APP: variants seen among roughly 807,000 people sequenced by gnomAD.
APP encodes the protein amyloid beta precursor protein.
Under a neutral mutation model 101.4 loss-of-function variants are expected in APP, and 31 were observed. The ratio of observed to expected loss-of-function variants is 0.31; its 90% CI spans 0.23 to 0.41. The LOEUF (loss-of-function observed/expected upper bound fraction) is 0.41, where lower values mean the gene tolerates loss of function less well. Among genes scored for constraint, APP ranks in the 10% least tolerant of loss-of-function variants. The probability of loss-of-function intolerance (pLI) is 1.00; values close to 1 mark genes in which losing one functional copy is unlikely to be tolerated. For missense variants in APP, 839 were observed against 1,003.7 expected (o/e 0.84, Z 2.22); for synonymous variants, 366 against 364.4 (o/e 1.00, Z -0.05).
intron 15 of APP, among the ~76,000 whole-genome samples, chr21:25,898,168 G>A (rs2038203797): frequency 6.6e-6 from 1 of 152,190 alleles, no homozygotes; most frequent in African/African-American, 2.4e-5. Flanking sequence ...TTATGTTCAT[G>A]TATCTATGCA....
intron 1 of APP, among the ~76,000 whole-genome samples, chr21:26,128,722 GA>G (rs554408042): frequency 2.6e-4 from 38 of 145,908 alleles, no homozygotes; most frequent in Non-Finnish European, 4.1e-4. Context: ...GGAGGCTTTT[GA>G]AAAAAAAAAC....
intron 8 of APP, among the ~76,000 whole-genome samples, chr21:25,995,591 AT>A (rs11315240): frequency 1 from 151,874 of 152,300 alleles, 75,725 homozygotes; most frequent in Middle Eastern, 1. Context: ...CTGAAGAAAA[AT>A]TAAATGATCT....
chr21:25,940,944 A>T (rs2040550946), intron 13 of APP, among the ~76,000 whole-genome samples: 1 of 152,196 alleles, frequency 6.6e-6, no homozygotes, highest in Admixed American at 6.5e-5. Flanking sequence ...ATGCCAGGCG[A>T]TGCTGATGTT....
intron 6 of APP, among the ~76,000 whole-genome samples, chr21:26,003,161 T>C (rs965016206): frequency 3.3e-5 from 5 of 152,266 alleles, no homozygotes; most frequent in Non-Finnish European, 7.3e-5. Flanking sequence ...CCATTTGTTA[T>C]AGCTAATTCG....
intron 10 of APP, 146 bp downstream of exon 10, chr21:25,975,808 A>C: frequency 1.4e-6 from 1 of 708,592 alleles, no homozygotes; most frequent in Non-Finnish European, 2.6e-6. Context: ...CAACTCAATT[A>C]CTAGACAATG....
At chr21:25,981,253 G>A (rs551248441) in intron 9 of APP, among the ~76,000 whole-genome samples, 21 of 152,170 alleles carry the variant, frequency 1.4e-4, no homozygotes, top group Admixed American at 4.6e-4. Context: ...TAGAAAATAC[G>A]CAGCAGTCTA....
intron 8 of APP, among the ~76,000 whole-genome samples, chr21:25,985,156 A>G (rs1251976265): frequency 6.6e-6 from 1 of 152,244 alleles, no homozygotes; most frequent in South Asian, 2.1e-4. Context: ...GACTGAGGAT[A>G]TTAAAAAGGA....
rs1434374381 is a variant in APP, at chr21:25,990,391, TA to T, written c.1090+6968del. On this transcript the variant is annotated intron_variant, in intron 8 of 17. Coordinates refer to ENST00000346798, the MANE Select transcript of APP (RefSeq NM_000484.4). ...CTATTCTCTATTCAGCACATCACAC[TA>T]AAACTTAAAAGCAACCTCAAGTTTG... 2.0e-5 allele frequency among the ~76,000 whole-genome samples: 3 copies of T among 152,308 alleles called. No individual in the cohort carries two copies. The South Asian group carries it at 6.2e-4, about 32-fold the overall frequency.
chr21:25,984,238 AAAAAG>A (rs2042553142), intron 8 of APP, among the ~76,000 whole-genome samples: 1 of 152,224 alleles, frequency 6.6e-6, no homozygotes, highest in Non-Finnish European at 1.5e-5. Flanking sequence ...AATAAAGAAA[AAAAAG>A]AAAAGGACAA....
In APP at chr21:26,170,218, C is replaced by G. The variant is rs117107800; in HGVS notation, c.57+346G>C. On this transcript the variant is annotated intron_variant, in intron 1 of 17. Coordinates refer to ENST00000346798, the MANE Select transcript of APP (RefSeq NM_000484.4). ...CCCACGTGCTCCTTCCCCCTTCCCC[C>G]CTGTCTGAATGTCTCTCGCCTCCCC... 4.5e-3 allele frequency among the ~76,000 whole-genome samples: 680 copies of G among 152,294 alleles called. 3 individuals are homozygous for G. Among genetic ancestry groups the G allele is most frequent in the Non-Finnish European group, 7.3e-3 (497 of 68,026 alleles).
At position 26,074,981 on chromosome 21, in the gene APP, G is replaced by A. The variant is rs182908962; in HGVS notation, c.355+14962C>T. On this transcript the variant is annotated intron_variant, in intron 3 of 17. Coordinates refer to ENST00000346798, the MANE Select transcript of APP (RefSeq NM_000484.4). ...TCTGAGATCCCTATGTTACTTCTTGGTTGTTACATAAAACCTGCTCTTCCT... is the reference window on the plus strand; with the variant it reads ...TCTGAGATCCCTATGTTACTTCTTGATTGTTACATAAAACCTGCTCTTCCT... 1.6e-3 allele frequency among the ~76,000 whole-genome samples: 240 copies of A among 152,168 alleles called. 1 individual carries two copies. Among genetic ancestry groups the A allele is most frequent in the Non-Finnish European group, 7.1e-4 (48 of 68,010 alleles).
At chr21:26,028,049 A>G (rs1052755152) in intron 5 of APP, among the ~76,000 whole-genome samples, 2 of 151,948 alleles carry the variant, frequency 1.3e-5, no homozygotes, top group African/African-American at 4.8e-5. Context: ...ACAAAAAATT[A>G]GCTGGACGTG....
chr21:26,087,513 C>T (rs1407096462), intron 3 of APP, among the ~76,000 whole-genome samples: 1 of 152,142 alleles, frequency 6.6e-6, no homozygotes, highest in Non-Finnish European at 1.5e-5. Context: ...TTATGTACCT[C>T]CACATCAAAG....
At chr21:26,019,657 CA>C (rs11295667) in intron 6 of APP, among the ~76,000 whole-genome samples, 152,328 of 152,328 alleles carry the variant, frequency 1, 76,164 homozygotes, top group Non-Finnish European at 1. Flanking sequence ...TCTAATGTTT[CA>C]AGTAAAATGG....
intron 2 of APP, among the ~76,000 whole-genome samples, chr21:26,103,717 C>T (rs559160257): frequency 3.7e-4 from 57 of 152,336 alleles, no homozygotes; most frequent in Non-Finnish European, 7.5e-4. Flanking sequence ...TACAGAACTC[C>T]TGCCCATTAC....
chr21:26,015,811 G>A (rs897200211), intron 6 of APP, among the ~76,000 whole-genome samples: 4 of 152,180 alleles, frequency 2.6e-5, no homozygotes, highest in Non-Finnish European at 5.9e-5. Flanking sequence ...TTACTGAAAA[G>A]GCCAGATAGT....
intron 13 of APP, among the ~76,000 whole-genome samples, chr21:25,935,997 T>C (rs1280207978): frequency 1.3e-5 from 2 of 151,922 alleles, no homozygotes; most frequent in Non-Finnish European, 2.9e-5. Flanking sequence ...ACAGGAGAAA[T>C]AATACCTTCC....
intron 8 of APP, among the ~76,000 whole-genome samples, chr21:25,983,462 T>C (rs573387863): frequency 6.6e-6 from 1 of 152,318 alleles, no homozygotes; most frequent in East Asian, 1.9e-4. Context: ...TGGGATATAA[T>C]ATCTCAAAGA....
chr21:26,093,916 C>T (rs1266147065), intron 2 of APP, among the ~76,000 whole-genome samples: 1 of 152,096 alleles, frequency 6.6e-6, no homozygotes, highest in African/African-American at 2.4e-5. Context: ...GAGATCAAGA[C>T]CATCCTGGCC....
Sources: allele counts gnomAD v4.1 joint callset (sites outside exome capture counted in the v4.1 genomes callset), GRCh38; gene constraint gnomAD v4.1.1; transcripts MANE v1.5; gene names NCBI Gene and HGNC (gene_info 2026-07-23, HGNC 2026-07-21).